The following CAGE1 variants were observed in gnomAD, a reference collection of about 807,000 sequenced individuals.
CAGE1 encodes cancer antigen 1.
In CAGE1, 66 loss-of-function variants were observed where a neutral mutation model predicts 94.9. The ratio of observed to expected loss-of-function variants is 0.70; its 90% CI spans 0.57 to 0.85. The LOEUF is 0.85. Ranked by LOEUF, CAGE1 falls within the 40% of genes least tolerant of loss-of-function variation. CAGE1 has a pLI of 0.00. For missense variants in CAGE1, 865 were observed against 950.4 expected, an observed-to-expected ratio of 0.91 and a Z score of 1.18; for synonymous variants, 319 against 321.0, an observed-to-expected ratio of 0.99 and a Z score of 0.07.
chr6:7,327,133 A>G (rs1468551028), intron 13 of CAGE1, among the ~76,000 whole-genome samples: 2 of 152,152 alleles, frequency 1.3e-5, no homozygotes, highest in Non-Finnish European at 2.9e-5. Flanking sequence ...GCTCACTGCA[A>G]GCTCTGCCTC....
At chr6:7,345,817 T>G (rs1183247492) in intron 11 of CAGE1, among the ~76,000 whole-genome samples, 1 of 151,962 alleles carries the variant, frequency 6.6e-6, no homozygotes, top group Admixed American at 6.6e-5. Context: ...CCCAGCTACT[T>G]GGGAGGCTGA....
chr6:7,376,892 C>T (rs188658705), intron 4 of CAGE1, among the ~76,000 whole-genome samples: 62 of 152,318 alleles, frequency 4.1e-4, no homozygotes, highest in Admixed American at 2.9e-3. Flanking sequence ...CTTCCCCAGA[C>T]TCCCTGATCA....
At chr6:7,342,378 T>G (rs567445794) in intron 11 of CAGE1, among the ~76,000 whole-genome samples, 3 of 152,194 alleles carry the variant, frequency 2.0e-5, no homozygotes, top group Non-Finnish European at 4.4e-5. Context: ...ATCAGCTGCA[T>G]GAAGTACTCC....
chr6:7,345,133 T>G (rs987526037), intron 11 of CAGE1, among the ~76,000 whole-genome samples: 16 of 41,700 alleles, frequency 3.8e-4, no homozygotes, highest in Non-Finnish European at 7.0e-4. Context: ...AGATCCATAT[T>G]GCTTTTAGGA....
At position 7,369,840 on chromosome 6, in the gene CAGE1, C is replaced by T. The variant is rs917293804; in HGVS notation, c.1893+79G>A. 31 of 1,347,862 alleles carry T rather than the reference C, an allele frequency of 2.3e-5. 1 individual carries two copies. The South Asian group carries it at 4.2e-4, about 18-fold the overall frequency. 83.5% of individuals were successfully genotyped at this position (1,347,862 alleles called of 1,614,324 possible). A position where few individuals can be genotyped will look rare whatever the true frequency, so the allele number is the denominator to read the frequency against. On this transcript the variant is annotated intron_variant, in intron 6 of 13. Coordinates refer to ENST00000502583, the MANE Select transcript of CAGE1 (RefSeq NM_001170692.2). Reference sequence around the variant, plus strand: ...ATTTTCTTCTTCCACAACTTAATTCCTTTTATTGCCTCTCTTTTTGTCCAA... The same window carrying T: ...ATTTTCTTCTTCCACAACTTAATTCTTTTTATTGCCTCTCTTTTTGTCCAA...
intron 11 of CAGE1, among the ~76,000 whole-genome samples, chr6:7,351,709 A>C (rs1307694044): frequency 3.9e-5 from 6 of 152,138 alleles, no homozygotes; most frequent in African/African-American, 1.4e-4. Context: ...CACACCAGGG[A>C]TTCAGGGGTG....
intron 8 of CAGE1, 31 bp from the exon 9 acceptor site, chr6:7,365,606 A>T: frequency 6.3e-7 from 1 of 1,585,676 alleles, no homozygotes; most frequent in Non-Finnish European, 8.6e-7. Context: ...TCTCACTTTC[A>T]ATCATTTCAT....
At chr6:7,381,597 C>T (rs1237963401) in intron 3 of CAGE1, among the ~76,000 whole-genome samples, 3 of 149,880 alleles carry the variant, frequency 2.0e-5, no homozygotes, top group African/African-American at 2.4e-5. Flanking sequence ...GGCACGATCT[C>T]GGCTCATTGC....
chr6:7,333,459 A>ACATT (rs1758823151), intron 12 of CAGE1, among the ~76,000 whole-genome samples: 1 of 152,104 alleles, frequency 6.6e-6, no homozygotes, highest in Non-Finnish European at 1.5e-5. Context: ...GAGTGACTGT[A>ACATT]CATTCCATGA....
chr6:7,347,576 GA>G (rs1759605433), intron 11 of CAGE1: 1 of 151,426 alleles, frequency 6.6e-6, no homozygotes, highest in Non-Finnish European at 1.5e-5. Flanking sequence ...CTCCTGGCCA[GA>G]ACGTGGGGGA....
intron 9 of CAGE1, among the ~76,000 whole-genome samples, chr6:7,358,038 A>ATG (rs1401957511): frequency 1.4e-4 from 9 of 62,382 alleles, no homozygotes; most frequent in Non-Finnish European, 2.0e-4. Context: ...ATATATATAT[A>ATG]TATATATATA....
chr6:7,372,283 C>T (rs1760562258), intron 5 of CAGE1, among the ~76,000 whole-genome samples: 1 of 151,940 alleles, frequency 6.6e-6, no homozygotes, highest in South Asian at 2.1e-4. Context: ...ACCAGCCTGG[C>T]CAACACGGTG....
intron 3 of CAGE1, among the ~76,000 whole-genome samples, chr6:7,380,408 G>A (rs1760890904): frequency 6.6e-6 from 1 of 152,132 alleles, no homozygotes; most frequent in African/African-American, 2.4e-5. Context: ...AGGCTGAGGT[G>A]GGTGGATCAC....
At chr6:7,332,876 G>A (rs570663193) in intron 12 of CAGE1, among the ~76,000 whole-genome samples, 1 of 152,222 alleles carries the variant, frequency 6.6e-6, no homozygotes, top group East Asian at 1.9e-4. Flanking sequence ...TTTGGGAACT[G>A]GTAACAGTGT....
At chr6:7,374,220 G>A in intron 4 of CAGE1, 89 bp from the exon 5 acceptor site, 1 of 1,030,682 alleles carries the variant, frequency 9.7e-7, no homozygotes, top group South Asian at 1.6e-5. Flanking sequence ...AATTCTATTA[G>A]TAGATCCCCT....
intron 9 of CAGE1, among the ~76,000 whole-genome samples, chr6:7,358,301 T>C (rs1412862120): frequency 6.6e-6 from 1 of 151,920 alleles, no homozygotes; most frequent in East Asian, 1.9e-4. Flanking sequence ...ACTCTTTTTT[T>C]GTCTAGTTCT....
Position 7,327,932 on chromosome 6 carries a change from AAAAT to A in CAGE1, c.2479-1037_2479-1034del, listed in dbSNP as rs56109246. Among the ~76,000 whole-genome samples, 509 of 149,660 alleles carry A rather than the reference AAAAT, an allele frequency of 3.4e-3. 11 individuals are homozygous for A. The East Asian group carries it at 0.061, about 18-fold the overall frequency. On this transcript the variant is annotated intron_variant, in intron 13 of 13. Transcript: ENST00000502583. Reference sequence around the variant, plus strand: ...GCAACAAGAGTGAAACTCCGTCTAAAAAATAAATAAATAAATAAATAAATAAATA... The same window carrying A: ...GCAACAAGAGTGAAACTCCGTCTAAAAAATAAATAAATAAATAAATAAATA...
At chr6:7,385,924 T>C (rs1761107424) in intron 2 of CAGE1, 52 bp from the exon 3 acceptor site, 2 of 959,610 alleles carry the variant, frequency 2.1e-6, no homozygotes, top group East Asian at 2.7e-5. Context: ...ACAAGCTTCT[T>C]CTAAAGGTAT....
At chr6:7,360,935 C>T (rs2004013) in intron 9 of CAGE1, among the ~76,000 whole-genome samples, 34,329 of 151,896 alleles carry the variant, frequency 0.23, 4,012 homozygotes, top group Non-Finnish European at 0.25. Context: ...TGACAGAGCA[C>T]GACTCTGTCT....
Sources: gnomAD v4.1 joint callset for allele counts (sites outside exome capture counted in the v4.1 genomes callset) on GRCh38, gnomAD v4.1.1 for gene constraint, MANE v1.5 for transcripts, NCBI Gene and HGNC (gene_info 2026-07-23, HGNC 2026-07-21) for gene names.